The following CCSER2 variants were observed in gnomAD, a reference collection of about 807,000 sequenced individuals.
The protein encoded by CCSER2 is serine-rich coiled-coil domain-containing protein 2.
CCSER2 carries 46 observed loss-of-function variants against 92.3 expected under a neutral mutation model. The observed-to-expected ratio is 0.50, with a 90% confidence interval of 0.39 to 0.64. The LOEUF is 0.64. CCSER2 is among the 30% of genes least tolerant of loss of function. The pLI, the probability that CCSER2 is intolerant of heterozygous loss-of-function variation, is 0.00. For synonymous variants in CCSER2, 433 were observed against 431.4 expected (o/e 1.00, Z -0.04); for missense variants, 1,244 against 1,238.9 (o/e 1.00, Z -0.06).
chr10:84,430,332 C>T (rs1223021948), intron 5 of CCSER2, among the ~76,000 whole-genome samples: 8 of 152,154 alleles, frequency 5.3e-5, no homozygotes, highest in Non-Finnish European at 1.0e-4. Flanking sequence ...TCTCTATTCC[C>T]AAGACTATAT....
At chr10:84,357,606 C>T (rs1342751478) in intron 1 of CCSER2, among the ~76,000 whole-genome samples, 1 of 152,056 alleles carries the variant, frequency 6.6e-6, no homozygotes, top group Non-Finnish European at 1.5e-5. Context: ...CCTGCCACCT[C>T]GCCCGGCTAA....
chr10:84,507,252 G>A (rs1195966887), intron 9 of CCSER2: 9 of 952,812 alleles, frequency 9.4e-6, no homozygotes, highest in Non-Finnish European at 1.1e-5. Context: ...CCATTGTCCT[G>A]TCTTTTTCTT....
intron 6 of CCSER2, chr10:84,456,025 C>G: frequency 2.0e-6 from 1 of 496,644 alleles, no homozygotes; most frequent in Non-Finnish European, 3.9e-6. Context: ...TTTGCTTCTT[C>G]TAGATGTTTC....
intron 9 of CCSER2, among the ~76,000 whole-genome samples, chr10:84,502,200 G>C (rs978470237): frequency 6.6e-6 from 1 of 151,732 alleles, no homozygotes; most frequent in African/African-American, 2.4e-5. Flanking sequence ...TTTTGAAACA[G>C]ATCTCTTCTT....
intron 9 of CCSER2, among the ~76,000 whole-genome samples, chr10:84,509,762 T>C (rs1273479281): frequency 6.6e-6 from 1 of 152,156 alleles, no homozygotes; most frequent in East Asian, 1.9e-4. Context: ...AGATATGAGA[T>C]CTTTCGTAGT....
intron 1 of CCSER2, among the ~76,000 whole-genome samples, chr10:84,347,306 G>A (rs1439854286): frequency 6.6e-6 from 1 of 152,164 alleles, no homozygotes; most frequent in African/African-American, 2.4e-5. Flanking sequence ...CCTCCTAGAC[G>A]GGGTGGTGGC....
chr10:84,329,909 T>C (rs1280763823), intron 1 of CCSER2, among the ~76,000 whole-genome samples: 2 of 152,254 alleles, frequency 1.3e-5, no homozygotes, highest in African/African-American at 4.8e-5. Flanking sequence ...CTAAACAACA[T>C]TGGCTTCAAA....
intron 6 of CCSER2, among the ~76,000 whole-genome samples, chr10:84,457,907 A>G (rs1845871145): frequency 6.6e-6 from 1 of 150,804 alleles, no homozygotes; most frequent in South Asian, 2.1e-4. Flanking sequence ...ACGCCCAGCT[A>G]ATTTTTTGTA....
At chr10:84,354,815 T>A (rs190966703) in intron 1 of CCSER2, among the ~76,000 whole-genome samples, 32 of 151,714 alleles carry the variant, frequency 2.1e-4, no homozygotes, top group Non-Finnish European at 3.7e-4. Context: ...AAGTTTGTGA[T>A]GTTTTTCCCC....
intron 9 of CCSER2, among the ~76,000 whole-genome samples, chr10:84,492,052 G>A (rs1204368154): frequency 6.6e-6 from 1 of 152,088 alleles, no homozygotes; most frequent in East Asian, 1.9e-4. Flanking sequence ...GGCTGAAGTG[G>A]GCGGATCACG....
intron 6 of CCSER2, among the ~76,000 whole-genome samples, chr10:84,445,589 C>G (rs1397498586): frequency 1.3e-5 from 2 of 152,200 alleles, no homozygotes; most frequent in Non-Finnish European, 2.9e-5. Flanking sequence ...TAGCCAGCAT[C>G]TAGCAAGAAA....
intron 9 of CCSER2, among the ~76,000 whole-genome samples, chr10:84,492,697 C>A (rs901714121): frequency 6.6e-6 from 1 of 152,078 alleles, no homozygotes; most frequent in African/African-American, 2.4e-5. Context: ...GATTTTGTTA[C>A]TTTTGTTTTG....
intron 1 of CCSER2, among the ~76,000 whole-genome samples, chr10:84,339,818 C>G (rs1844071913): frequency 6.6e-6 from 1 of 151,126 alleles, no homozygotes; most frequent in East Asian, 2.0e-4. Context: ...TCTCAGCCTT[C>G]TCATTAAATC....
At chr10:84,341,367 T>TTTTTG (rs71013314) in intron 1 of CCSER2, among the ~76,000 whole-genome samples, 2 of 147,948 alleles carry the variant, frequency 1.4e-5, no homozygotes, top group African/African-American at 2.5e-5. Flanking sequence ...TTTTTTTTTT[T>TTTTTG]AGAGGCGGAG....
chr10:84,425,000 A>G (rs1309216164), intron 4 of CCSER2: 5 of 984,876 alleles, frequency 5.1e-6, no homozygotes, highest in Non-Finnish European at 6.0e-6. Flanking sequence ...CCCTTGTGCA[A>G]AGTAACTCTC....
intron 3 of CCSER2, chr10:84,389,383 C>G: frequency 2.0e-6 from 1 of 512,418 alleles, no homozygotes; most frequent in Non-Finnish European, 3.9e-6. Flanking sequence ...TTTCCTGTTT[C>G]TTTCTGTCTC....
chr10:84,413,568 G>T (rs186594965), intron 3 of CCSER2, among the ~76,000 whole-genome samples: 4 of 152,252 alleles, frequency 2.6e-5, no homozygotes, highest in African/African-American at 9.6e-5. Context: ...TTGATTATGT[G>T]ATCAATTTTG....
chr10:84,515,601 C>G lies in CCSER2; in HGVS notation c.*1334C>G, dbSNP rs1309208408. ...GGACTACAGGCATGTGCCACCATGC[C>G]TGGCTAATTTTTTTGTATTTTTAGT... On this transcript the variant is annotated 3_prime_UTR_variant, in exon 10 of 10. Coordinates refer to ENST00000372088, the MANE Select transcript of CCSER2 (RefSeq NM_001284240.2). 1 of 152,180 alleles carries G rather than the reference C, an allele frequency of 6.6e-6. No homozygotes were observed. Among genetic ancestry groups the G allele is most frequent in the Admixed American group, 6.5e-5 (1 of 15,278 alleles). 9.4% of individuals were successfully genotyped at this position (152,180 alleles called of 1,614,324 possible). A position where few individuals can be genotyped will look rare whatever the true frequency, so the allele number is the denominator to read the frequency against.
intron 3 of CCSER2, among the ~76,000 whole-genome samples, chr10:84,405,437 G>A (rs1842330493): frequency 6.6e-6 from 1 of 152,058 alleles, no homozygotes; most frequent in African/African-American, 2.4e-5. Flanking sequence ...CCAAAAGCAT[G>A]ATCCATAAAA....
Sources: gnomAD v4.1 joint callset for allele counts (sites outside exome capture counted in the v4.1 genomes callset) on GRCh38, gnomAD v4.1.1 for gene constraint, MANE v1.5 for transcripts, NCBI Gene and HGNC (gene_info 2026-07-23, HGNC 2026-07-21) for gene names.